SLC9A9: variants seen among roughly 807,000 people sequenced by gnomAD.
SLC9A9 encodes the protein sodium/hydrogen exchanger 9.
Under a neutral mutation model 77.8 loss-of-function variants are expected in SLC9A9, and 62 were observed. That is an observed-to-expected ratio of 0.80 (90% confidence interval 0.65 to 0.98). SLC9A9 has a LOEUF of 0.98. Ranked by LOEUF, SLC9A9 falls within the 50% of genes least tolerant of loss-of-function variation. The pLI is 0.00. For missense variants in SLC9A9, 775 were observed against 774.9 expected, an observed-to-expected ratio of 1.00 and a Z score of 0.00; for synonymous variants, 320 against 283.5, an observed-to-expected ratio of 1.13 and a Z score of -1.29.
chr3:143,655,647 T>C, intron 5 of SLC9A9: 1 of 984,240 alleles, frequency 1.0e-6, no homozygotes, highest in Non-Finnish European at 1.2e-6. Flanking sequence ...CAAGCACATA[T>C]GATCTTATGC....
At chr3:143,529,863 T>C (rs2036474741) in intron 9 of SLC9A9, among the ~76,000 whole-genome samples, 1 of 152,152 alleles carries the variant, frequency 6.6e-6, no homozygotes, top group Non-Finnish European at 1.5e-5. Flanking sequence ...AAATAAAAAG[T>C]CTATCAAAGG....
chr3:143,513,882 C>G (rs1198541329), intron 9 of SLC9A9, among the ~76,000 whole-genome samples: 1 of 152,148 alleles, frequency 6.6e-6, no homozygotes, highest in Admixed American at 6.5e-5. Flanking sequence ...ATGTGCACAA[C>G]GTGCAGGTTT....
chr3:143,543,059 C>T (rs993082177), intron 9 of SLC9A9, among the ~76,000 whole-genome samples: 1 of 152,226 alleles, frequency 6.6e-6, no homozygotes, highest in Non-Finnish European at 1.5e-5. Flanking sequence ...GACAAAAATA[C>T]TATGAATTGT....
chr3:143,290,622 A>C lies in SLC9A9; in HGVS notation c.1605-21642T>G, dbSNP rs79132339. Among the ~76,000 whole-genome samples the C allele has an allele frequency of 2.2e-3, 338 of 152,240 alleles. 3 individuals are homozygous for C. The highest frequency in any genetic ancestry group is 7.7e-3 in the African/African-American group (319 of 41,528). ...CAGATTGCCTTGCTAACACCCCCCA[A>C]ATTCTGAATTCCAAAGCACATCTGG... is the stretch of plus-strand genomic sequence containing the variant. On this transcript the variant is annotated intron_variant, in intron 14 of 15. Transcript: ENST00000316549.
chr3:143,756,007 A>T (rs868412040), intron 4 of SLC9A9, among the ~76,000 whole-genome samples: 1 of 152,226 alleles, frequency 6.6e-6, no homozygotes, highest in Non-Finnish European at 1.5e-5. Flanking sequence ...AGGTTCCAGT[A>T]AGAAACTTGC....
chr3:143,655,564 C>A (rs971169342), intron 5 of SLC9A9: 1 of 985,224 alleles, frequency 1.0e-6, no homozygotes. Flanking sequence ...TTCTCCTCTA[C>A]ATACCCTCTT....
intron 11 of SLC9A9, among the ~76,000 whole-genome samples, chr3:143,469,786 TG>T (rs1156290381): frequency 6.6e-6 from 1 of 152,132 alleles, no homozygotes; most frequent in Non-Finnish European, 1.5e-5. Flanking sequence ...AGGAACAAAA[TG>T]TAATGGAGGA....
chr3:143,515,721 A>G (rs2036193864), intron 9 of SLC9A9, among the ~76,000 whole-genome samples: 1 of 152,118 alleles, frequency 6.6e-6, no homozygotes, highest in African/African-American at 2.4e-5. Context: ...TATTATTCTT[A>G]TATTCCTGGG....
chr3:143,631,321 C>A (rs1002049915), intron 6 of SLC9A9, among the ~76,000 whole-genome samples: 1 of 152,208 alleles, frequency 6.6e-6, no homozygotes, highest in African/African-American at 2.4e-5. Context: ...AGAGCAACTA[C>A]AATGATGAAG....
intron 14 of SLC9A9, among the ~76,000 whole-genome samples, chr3:143,329,303 G>A (rs1343685581): frequency 6.6e-6 from 1 of 152,154 alleles, no homozygotes; most frequent in Admixed American, 6.5e-5. Context: ...GGTGAGTAAA[G>A]AAAACAGATA....
chr3:143,517,370 C>A (rs9857113), intron 9 of SLC9A9: 454,535 of 1,416,864 alleles, frequency 0.32, 79,641 homozygotes, highest in Non-Finnish European at 0.37. Context: ...AGGCATTCTC[C>A]CAGGAAAGCC....
intron 14 of SLC9A9, chr3:143,314,118 G>A (rs2031121456): frequency 6.6e-6 from 1 of 152,214 alleles, no homozygotes. Flanking sequence ...TTGGACTGTG[G>A]GATCCATGAG....
intron 5 of SLC9A9, among the ~76,000 whole-genome samples, chr3:143,665,825 T>C (rs1476511472): frequency 6.6e-6 from 1 of 152,216 alleles, no homozygotes; most frequent in East Asian, 1.9e-4. Context: ...GGCTCTAAAA[T>C]TGAGGCAATA....
chr3:143,395,411 C>G (rs1197640730), intron 12 of SLC9A9, among the ~76,000 whole-genome samples: 1 of 152,216 alleles, frequency 6.6e-6, no homozygotes. Context: ...AAAACTGAAA[C>G]TGGATCCCTT....
At chr3:143,539,558 C>T (rs1319686061) in intron 9 of SLC9A9, among the ~76,000 whole-genome samples, 1 of 151,996 alleles carries the variant, frequency 6.6e-6, no homozygotes, top group Non-Finnish European at 1.5e-5. Flanking sequence ...CAGTAATTTC[C>T]ATTTATCATT....
chr3:143,835,299 C>T (rs926268920), intron 1 of SLC9A9, among the ~76,000 whole-genome samples: 1 of 152,192 alleles, frequency 6.6e-6, no homozygotes, highest in African/African-American at 2.4e-5. Context: ...AGGCTTCAGC[C>T]CTCCTTTTCC....
intron 11 of SLC9A9, among the ~76,000 whole-genome samples, chr3:143,482,808 TCTC>T (rs1181874918): frequency 2.6e-5 from 4 of 152,348 alleles, no homozygotes; most frequent in African/African-American, 9.6e-5. Flanking sequence ...GCAAAGCACA[TCTC>T]CTCCTTTAAT....
chr3:143,547,954 C>A (rs1388629624), intron 9 of SLC9A9, among the ~76,000 whole-genome samples: 1 of 152,078 alleles, frequency 6.6e-6, no homozygotes, highest in African/African-American at 2.4e-5. Context: ...ATGGCTGGCA[C>A]AAAGTAGGCT....
chr3:143,574,302 G>C lies in SLC9A9; in HGVS notation c.895-109C>G, dbSNP rs1436008337. Reference sequence around the variant, plus strand: ...ATGATAGCTCTAGAGCAAAGTAAAAGAACTGATATTCAGACCTGACTGGAA... The same window carrying C: ...ATGATAGCTCTAGAGCAAAGTAAAACAACTGATATTCAGACCTGACTGGAA... On this transcript the variant is annotated intron_variant, in intron 7 of 15. Coordinates refer to ENST00000316549, the MANE Select transcript of SLC9A9 (RefSeq NM_173653.4). 3 of 899,988 alleles carry C rather than the reference G, an allele frequency of 3.3e-6. No individual in the cohort carries two copies. In the Admixed American group the frequency reaches 6.1e-5, roughly 18 times the overall value. The allele number at this position is 899,988 out of a possible 1,614,324, so 55.8% of individuals were successfully genotyped here.
Sources: gnomAD v4.1 joint callset for allele counts (sites outside exome capture counted in the v4.1 genomes callset) on GRCh38, gnomAD v4.1.1 for gene constraint, MANE v1.5 for transcripts, NCBI Gene and HGNC (gene_info 2026-07-23, HGNC 2026-07-21) for gene names.